Variants in SHC3 observed in about 807,000 individuals in gnomAD.
SHC3 encodes SHC-transforming protein 3.
Under a neutral mutation model 60.4 loss-of-function variants are expected in SHC3, and 15 were observed. That is an observed-to-expected ratio of 0.25 (90% CI 0.17 to 0.38). SHC3 has a LOEUF of 0.38. Ranked by LOEUF, SHC3 falls within the 10% of genes least tolerant of loss-of-function variation. SHC3 has a pLI of 1.00. For synonymous variants in SHC3, 294 were observed against 325.9 expected (o/e 0.90, Z 1.05); for missense variants, 677 against 786.1 (o/e 0.86, Z 1.66).
intron 1 of SHC3, among the ~76,000 whole-genome samples, chr9:89,122,031 T>C (rs1305909494): frequency 6.6e-6 from 1 of 152,244 alleles, no homozygotes; most frequent in South Asian, 2.1e-4. Context: ...ATTCATTTTC[T>C]CCATGGTGAT....
intron 2 of SHC3, among the ~76,000 whole-genome samples, chr9:89,097,078 G>A (rs1564140525): frequency 7.6e-6 from 1 of 130,820 alleles, no homozygotes. Context: ...ACACCAGTGG[G>A]CAGCGCCCAG....
At chr9:89,020,686 A>G (rs1826186204) in intron 11 of SHC3, among the ~76,000 whole-genome samples, 1 of 152,114 alleles carries the variant, frequency 6.6e-6, no homozygotes, top group African/African-American at 2.4e-5. Flanking sequence ...CCAGGAGGAG[A>G]GCAAAATGGG....
intron 5 of SHC3, among the ~76,000 whole-genome samples, chr9:89,069,731 C>G (rs796380184): frequency 1.3e-5 from 2 of 152,356 alleles, no homozygotes; most frequent in African/African-American, 4.8e-5. Context: ...GAGTGATGCC[C>G]AGAATGGCCA....
chr9:89,087,508 A>C (rs987761390), intron 2 of SHC3, among the ~76,000 whole-genome samples: 1 of 152,186 alleles, frequency 6.6e-6, no homozygotes, highest in Non-Finnish European at 1.5e-5. Context: ...CACAGAGCCC[A>C]GGCAATCAGT....
intron 1 of SHC3, among the ~76,000 whole-genome samples, chr9:89,169,710 G>A (rs1826841389): frequency 6.6e-6 from 1 of 152,122 alleles, no homozygotes; most frequent in Non-Finnish European, 1.5e-5. Context: ...CGGGGGTGGG[G>A]TGCAGATGGC....
chr9:89,062,288 A>G (rs1047304950), intron 6 of SHC3, among the ~76,000 whole-genome samples: 6 of 152,364 alleles, frequency 3.9e-5, no homozygotes, highest in Admixed American at 2.6e-4. Context: ...TACAGGTGCC[A>G]GTAGTCATCA....
chr9:89,058,285 C>T (rs992323756), intron 6 of SHC3, among the ~76,000 whole-genome samples: 6 of 134,150 alleles, frequency 4.5e-5, no homozygotes, highest in African/African-American at 8.6e-5. Context: ...TGGTGGAGGA[C>T]GGTGGTGGAG....
chr9:89,107,921 T>C (rs1240150642), intron 2 of SHC3, among the ~76,000 whole-genome samples: 1 of 152,240 alleles, frequency 6.6e-6, no homozygotes, highest in Non-Finnish European at 1.5e-5. Context: ...ATCAAGTACA[T>C]GTACCACATA....
chr9:89,094,353 G>T (rs1405029446), intron 2 of SHC3, among the ~76,000 whole-genome samples: 1 of 152,164 alleles, frequency 6.6e-6, no homozygotes, highest in Non-Finnish European at 1.5e-5. Context: ...GTTCTCAGGG[G>T]ATGAATGTGA....
rs1326292476 is a variant in SHC3 at position 89,071,188 on chromosome 9, AG to A, written c.783+10del. The stretch of plus-strand genomic sequence containing the variant: ...CAACAAGAGCAAGAGACCAACCCCA[AG>A]GGTACTTACCGGGTCTCCCCCAGAG... On this transcript the variant is annotated intron_variant, in intron 5 of 11. Transcript: ENST00000375835. 6.2e-7 allele frequency: 1 copy of A among 1,614,024 alleles called. No homozygotes were observed. Among genetic ancestry groups the A allele is most frequent in the Non-Finnish European group, 8.5e-7 (1 of 1,179,916 alleles).
At chr9:89,064,343 T>C (rs1222307357) in intron 6 of SHC3, among the ~76,000 whole-genome samples, 2 of 152,142 alleles carry the variant, frequency 1.3e-5, no homozygotes, top group African/African-American at 4.8e-5. Flanking sequence ...GTCTTCACAG[T>C]ATCACCACAT....
At chr9:89,152,098 G>A (rs2118219598) in intron 1 of SHC3, among the ~76,000 whole-genome samples, 1 of 152,334 alleles carries the variant, frequency 6.6e-6, no homozygotes, top group Admixed American at 6.5e-5. Flanking sequence ...GTCAGGGGAA[G>A]TGGCCATATG....
At chr9:89,155,214 T>C (rs1332751032) in intron 1 of SHC3, among the ~76,000 whole-genome samples, 1 of 152,168 alleles carries the variant, frequency 6.6e-6, no homozygotes, top group Non-Finnish European at 1.5e-5. Context: ...TCTCTCAGCC[T>C]TGGGCCCCAG....
At chr9:89,166,782 A>C (rs1245161890) in intron 1 of SHC3, among the ~76,000 whole-genome samples, 1 of 152,180 alleles carries the variant, frequency 6.6e-6, no homozygotes, top group African/African-American at 2.4e-5. Context: ...GATGCAGGAA[A>C]GGCTGATTTA....
intron 1 of SHC3, among the ~76,000 whole-genome samples, chr9:89,147,461 C>T (rs981102251): frequency 1.3e-5 from 2 of 152,158 alleles, no homozygotes; most frequent in Non-Finnish European, 2.9e-5. Context: ...TCTGCATATG[C>T]GATTCCTCCT....
chr9:89,023,973 G>A lies in SHC3; in HGVS notation c.1657-10398C>T, dbSNP rs186636857. 3.9e-5 allele frequency among the ~76,000 whole-genome samples: 6 copies of A among 152,294 alleles called. No individual in the cohort carries two copies. The East Asian group carries it at 1.2e-3, about 29-fold the overall frequency. ...TCCGAGTTCCTGACTCAGCAGATCT[G>A]GGGTGGGAGCTGAGGATCTCGTTTC... On this transcript the variant is annotated intron_variant, in intron 11 of 11. Coordinates refer to ENST00000375835, the MANE Select transcript of SHC3 (RefSeq NM_016848.6).
intron 5 of SHC3, among the ~76,000 whole-genome samples, chr9:89,067,956 A>AT (rs1825210326): frequency 1.3e-5 from 2 of 152,174 alleles, no homozygotes; most frequent in South Asian, 4.2e-4. Context: ...CAAGGAATAT[A>AT]TTTTTTTACG....
intron 11 of SHC3, among the ~76,000 whole-genome samples, chr9:89,015,153 C>A (rs1030908365): frequency 6.6e-6 from 1 of 152,200 alleles, no homozygotes; most frequent in Non-Finnish European, 1.5e-5. Context: ...ATTCCTGCCC[C>A]AGAAAGACCC....
At chr9:89,122,699 T>C (rs1826108607) in intron 1 of SHC3, among the ~76,000 whole-genome samples, 1 of 152,066 alleles carries the variant, frequency 6.6e-6, no homozygotes, top group Non-Finnish European at 1.5e-5. Flanking sequence ...CACCTAAGGG[T>C]ATGAACCTGA....
Sources: allele counts gnomAD v4.1 joint callset (sites outside exome capture counted in the v4.1 genomes callset), GRCh38; gene constraint gnomAD v4.1.1; transcripts MANE v1.5; gene names NCBI Gene and HGNC (gene_info 2026-07-23, HGNC 2026-07-21).